MED27: variants seen among roughly 807,000 people sequenced by gnomAD.
MED27 encodes mediator complex subunit 27.
Under a neutral mutation model 38.2 loss-of-function variants are expected in MED27, and 30 were observed. The observed-to-expected ratio is 0.79, with a 90% CI of 0.59 to 1.07. The LOEUF is 1.07. Among genes scored for constraint, MED27 ranks in the 50% least tolerant of loss-of-function variants. The pLI is 0.00. For missense variants in MED27, 289 were observed against 397.5 expected (o/e 0.73, Z 2.32); for synonymous variants, 122 against 153.5 (o/e 0.79, Z 1.52).
At chr9:132,025,757 TAGTG>T (rs1289143344) in intron 2 of MED27, among the ~76,000 whole-genome samples, 1 of 152,168 alleles carries the variant, frequency 6.6e-6, no homozygotes, top group African/African-American at 2.4e-5. Flanking sequence ...TTATTGGAGT[TAGTG>T]AGGGTTAAGA....
intron 4 of MED27, among the ~76,000 whole-genome samples, chr9:131,900,226 C>T (rs188761719): frequency 7.2e-5 from 11 of 152,196 alleles, no homozygotes; most frequent in Admixed American, 7.2e-4. Context: ...CCCTGCCTAG[C>T]CCCCCCATCA....
At chr9:131,960,679 T>G (rs1464594319) in intron 3 of MED27, among the ~76,000 whole-genome samples, 2 of 152,196 alleles carry the variant, frequency 1.3e-5, no homozygotes, top group Non-Finnish European at 2.9e-5. Flanking sequence ...TGAATAATAA[T>G]GAGGGATGAC....
At chr9:131,977,625 G>A (rs1831637208) in intron 3 of MED27, among the ~76,000 whole-genome samples, 1 of 152,186 alleles carries the variant, frequency 6.6e-6, no homozygotes, top group Non-Finnish European at 1.5e-5. Context: ...CTGGAATGCA[G>A]TGCAAACAGC....
At chr9:131,941,817 ATTTTTT>A (rs766438800) in intron 3 of MED27, among the ~76,000 whole-genome samples, 41 of 82,514 alleles carry the variant, frequency 5.0e-4, no homozygotes, top group South Asian at 1.5e-3. Context: ...ATTCTGCTGA[ATTTTTT>A]TTTTTTTTTT....
In MED27 at chr9:131,913,606, C is replaced by T. The variant is rs9411419; in HGVS notation, c.574-19614G>A. Among the ~76,000 whole-genome samples, 46,689 of 151,930 alleles carry T rather than the reference C, an allele frequency of 0.31. 7,864 individuals carry two copies. The highest frequency in any genetic ancestry group is 0.42 in the Middle Eastern group (123 of 294). On this transcript the variant is annotated intron_variant, in intron 4 of 7. Transcript: ENST00000292035. The surrounding 1 kb of genome is among the most constrained non-coding windows in gnomAD (Gnocchi z 4.5). ...TTGTATTTCTCCCTGTTTGAAAGGC[C>T]GTTTGTTCGGCTTACCACAGTTGCA...
At chr9:131,998,551 G>A (rs1439914797) in intron 3 of MED27, among the ~76,000 whole-genome samples, 1 of 152,172 alleles carries the variant, frequency 6.6e-6, no homozygotes, top group Non-Finnish European at 1.5e-5. Context: ...ACTACCCAAC[G>A]ATGTCAGAGG....
chr9:131,991,584 A>C (rs908879735), intron 3 of MED27, among the ~76,000 whole-genome samples: 1 of 152,266 alleles, frequency 6.6e-6, no homozygotes, highest in African/African-American at 2.4e-5. Context: ...AACATACATA[A>C]ATAAACAATT....
intron 4 of MED27, among the ~76,000 whole-genome samples, chr9:131,920,439 A>G (rs1166284914): frequency 6.6e-6 from 1 of 152,138 alleles, no homozygotes; most frequent in Non-Finnish European, 1.5e-5. Context: ...CACTTACTCA[A>G]CCAATAATTA....
chr9:131,895,322 A>T (rs1280335883), intron 4 of MED27, among the ~76,000 whole-genome samples: 1 of 152,224 alleles, frequency 6.6e-6, no homozygotes, highest in Admixed American at 6.5e-5. Flanking sequence ...TTGACGTCAC[A>T]GAATTTGCTG....
intron 4 of MED27, among the ~76,000 whole-genome samples, chr9:131,906,986 G>C (rs1830075992): frequency 6.6e-6 from 1 of 152,164 alleles, no homozygotes; most frequent in African/African-American, 2.4e-5. Context: ...AACTGTCATG[G>C]TGCTGGTGGG....
intron 3 of MED27, among the ~76,000 whole-genome samples, chr9:131,967,762 C>T (rs897903403): frequency 2.0e-5 from 3 of 150,792 alleles, no homozygotes; most frequent in South Asian, 2.1e-4. Context: ...TCAGGTGATT[C>T]GGCCTCCCAA....
chr9:131,939,240 C>A, intron 4 of MED27, 141 bp downstream of exon 4: 1 of 463,652 alleles, frequency 2.2e-6, no homozygotes, highest in Non-Finnish European at 3.7e-6. Context: ...CTACAGAATG[C>A]CAGTAAAGAA....
chr9:131,910,707 T>C (rs879344331), intron 4 of MED27, among the ~76,000 whole-genome samples: 21 of 152,174 alleles, frequency 1.4e-4, no homozygotes, highest in Non-Finnish European at 2.6e-4. Context: ...TCACAGACAA[T>C]TGTGTGAGTG....
At chr9:132,013,019 A>G (rs1832517242) in intron 3 of MED27, among the ~76,000 whole-genome samples, 1 of 152,324 alleles carries the variant, frequency 6.6e-6, no homozygotes, top group Admixed American at 6.5e-5. Context: ...ATGTAATCAG[A>G]AGAAGGTACA....
At chr9:131,971,878 C>A (rs187097844) in intron 3 of MED27, among the ~76,000 whole-genome samples, 1 of 152,318 alleles carries the variant, frequency 6.6e-6, no homozygotes, top group Admixed American at 6.5e-5. Flanking sequence ...TTCAAAAGCA[C>A]TATCAGATTT....
At chr9:131,940,406 AT>A (rs1830765497) in intron 3 of MED27, among the ~76,000 whole-genome samples, 2 of 150,744 alleles carry the variant, frequency 1.3e-5, no homozygotes, top group South Asian at 4.2e-4. Context: ...TTACATTTCT[AT>A]TTTTTCTTCT....
chr9:132,026,683 A>T (rs557511591), intron 2 of MED27, among the ~76,000 whole-genome samples: 22 of 152,338 alleles, frequency 1.4e-4, no homozygotes, highest in Middle Eastern at 3.4e-3. Flanking sequence ...GAAGGTCAAG[A>T]TCTGCCTAGA....
chr9:132,054,351 C>A (rs1226470431), intron 2 of MED27, among the ~76,000 whole-genome samples: 1 of 152,212 alleles, frequency 6.6e-6, no homozygotes, highest in East Asian at 1.9e-4. Context: ...TGAGGCCTCC[C>A]CAGAAGCCCA....
chr9:131,941,542 C>T (rs151003951), intron 3 of MED27, among the ~76,000 whole-genome samples: 1 of 151,986 alleles, frequency 6.6e-6, no homozygotes, highest in Non-Finnish European at 1.5e-5. Context: ...AAATTAGAGA[C>T]GGCCCAGTGG....
Sources: allele counts gnomAD v4.1 joint callset (sites outside exome capture counted in the v4.1 genomes callset), GRCh38; gene constraint gnomAD v4.1.1; non-coding constraint Gnocchi (gnomAD v3.1); transcripts MANE v1.5; gene names NCBI Gene and HGNC (gene_info 2026-07-23, HGNC 2026-07-21).